ASGR2: variants seen among roughly 807,000 people sequenced by gnomAD.
ASGR2 encodes asialoglycoprotein receptor 2, also known as C-type lectin domain family 4 member H2.
In ASGR2, 34 loss-of-function variants were observed where a neutral mutation model predicts 32.3. That is an observed-to-expected ratio of 1.05 (90% CI 0.80 to 1.40). ASGR2 has a LOEUF of 1.40. Ranked by LOEUF, ASGR2 falls within the 40% of genes most tolerant of loss-of-function variation. The pLI is 0.00. For synonymous variants in ASGR2, 143 were observed against 150.0 expected (o/e 0.95, Z 0.34); for missense variants, 385 against 386.4 (o/e 1.00, Z 0.03).
chr17:7,114,940 CA>C (rs397840000), upstream of ASGR2: 24 of 676,772 alleles, frequency 3.5e-5, no homozygotes, highest in Non-Finnish European at 4.4e-5. The surrounding 1 kb of genome is among the most constrained non-coding windows in gnomAD (Gnocchi z 4.5). Context: ...CTCCACACGC[CA>C]CTCACCCCAC....
At chr17:7,103,290 C>T (rs1295493159) in intron 7 of ASGR2, among the ~76,000 whole-genome samples, 1 of 152,218 alleles carries the variant, frequency 6.6e-6, no homozygotes, top group African/African-American at 2.4e-5. Flanking sequence ...ATTCTGGAAT[C>T]CCACAAATAG....
chr17:7,104,988 A>AT (rs1913456191), intron 7 of ASGR2, among the ~76,000 whole-genome samples: 1 of 147,664 alleles, frequency 6.8e-6, no homozygotes. Flanking sequence ...AAAAAAAAAA[A>AT]ATTTTTTTTT....
In ASGR2 at chr17:7,101,435, C is replaced by G; in HGVS notation, c.*140G>C. The G allele has an allele frequency of 8.5e-7, 1 of 1,173,064 alleles. No homozygotes were observed. The highest frequency in any genetic ancestry group is 1.2e-6 in the Non-Finnish European group (1 of 859,834). 72.7% of individuals were successfully genotyped at this position (1,173,064 alleles called of 1,614,324 possible). On this transcript the variant is annotated 3_prime_UTR_variant, in exon 9 of 9. Coordinates refer to ENST00000691900, the MANE Select transcript of ASGR2 (RefSeq NM_001201352.2). The stretch of plus-strand genomic sequence containing the variant: ...TCTCAGTCCTCCAGGGTCAGGGACT[C>G]TTAAACTACCTCCTTTCTCTCTTTG...
At position 7,114,273 on chromosome 17, in the gene ASGR2, T is replaced by TG. The variant is rs1445667083; in HGVS notation, c.-34dup. The TG allele has an allele frequency of 6.6e-7, 1 of 1,526,616 alleles. No individual in the cohort carries two copies. Among genetic ancestry groups the TG allele is most frequent in the Non-Finnish European group, 8.9e-7 (1 of 1,125,890 alleles). 94.6% of individuals were successfully genotyped at this position (1,526,616 alleles called of 1,614,324 possible). Reference sequence around the variant, plus strand: ...CCCGGGCTGGAGCTGGAGCTGGAGCTGGGCTGGGCTGGGCTGAGGTTGCTC... The same window carrying TG: ...CCCGGGCTGGAGCTGGAGCTGGAGCTGGGGCTGGGCTGGGCTGAGGTTGCTC... On this transcript the variant is annotated 5_prime_UTR_variant, in exon 2 of 9. Coordinates refer to ENST00000691900, the MANE Select transcript of ASGR2 (RefSeq NM_001201352.2). This position sits in a 1 kb window ranked among gnomAD's most constrained non-coding sequence, Gnocchi z 4.5.
At chr17:7,101,956 A>G in intron 8 of ASGR2, 134 bp downstream of exon 8, 1 of 1,081,508 alleles carries the variant, frequency 9.2e-7, no homozygotes, top group Non-Finnish European at 1.4e-6. Context: ...ACAGCTTTGG[A>G]GGGGTTGGAG....
rs575558668 is a variant in ASGR2, at chr17:7,113,780, T to TAC, written c.124+335_124+336dup. Among the ~76,000 whole-genome samples the TAC allele has an allele frequency of 7.3e-6, 1 of 136,560 alleles. No homozygotes were observed. The highest frequency in any genetic ancestry group is 2.8e-5 in the African/African-American group (1 of 36,116). 89.6% of individuals were successfully genotyped at this position (136,560 alleles called of 152,430 possible). On this transcript the variant is annotated intron_variant, in intron 2 of 8. Transcript: ENST00000691900. This position sits in a 1 kb window ranked among gnomAD's most constrained non-coding sequence, Gnocchi z 5.1. ...ACATATGCACGCTCTCGCGCACATATACACACACACAACATTCACTCACAC... is the reference window on the plus strand; with the variant it reads ...ACATATGCACGCTCTCGCGCACATATACACACACACACAACATTCACTCACAC...
At chr17:7,105,106 T>C (rs894901038) in intron 7 of ASGR2, among the ~76,000 whole-genome samples, 20 of 152,238 alleles carry the variant, frequency 1.3e-4, no homozygotes, top group Middle Eastern at 3.4e-3. Context: ...ATACAAACTT[T>C]TAGTTTTCAA....
intron 7 of ASGR2, among the ~76,000 whole-genome samples, chr17:7,103,123 G>A (rs912096037): frequency 2.6e-5 from 4 of 152,190 alleles, no homozygotes; most frequent in East Asian, 1.9e-4. Context: ...GTTGAGCAAC[G>A]TGCACACTTA....
At position 7,107,598 on chromosome 17, in the gene ASGR2, ACAC is replaced by A; in HGVS notation, c.409+235_409+237del. The A allele has an allele frequency of 3.1e-6, 2 of 646,936 alleles. No individual in the cohort carries two copies. The highest frequency in any genetic ancestry group is 5.4e-6 in the Non-Finnish European group (2 of 367,144). The allele number at this position is 646,936 out of a possible 1,614,324, so 40.1% of individuals were successfully genotyped here. A position where few individuals can be genotyped will look rare whatever the true frequency, so the allele number is the denominator to read the frequency against. On this transcript the variant is annotated intron_variant, in intron 5 of 8. Coordinates refer to ENST00000691900, the MANE Select transcript of ASGR2 (RefSeq NM_001201352.2). This position sits in a 1 kb window ranked among gnomAD's most constrained non-coding sequence, Gnocchi z 5.0. The stretch of plus-strand genomic sequence containing the variant: ...GCACACACACAGACTCATCTCACAC[ACAC>A]CACCACACATGCATACACACACAAC...
Position 7,108,956 on chromosome 17 carries a change from C to G in ASGR2, c.125-68G>C. On this transcript the variant is annotated intron_variant, in intron 2 of 8. Transcript: ENST00000691900. The surrounding 1 kb of genome is among the most constrained non-coding windows in gnomAD (Gnocchi z 4.9). ...GAGCCGGAGGGTAAAGACAGGGCACCGAAGCCTGAGGAGGCATAACCTGGG... is the reference window on the plus strand; with the variant it reads ...GAGCCGGAGGGTAAAGACAGGGCACGGAAGCCTGAGGAGGCATAACCTGGG... 1 of 1,509,100 alleles carries G rather than the reference C, an allele frequency of 6.6e-7. No homozygotes were observed. Among genetic ancestry groups the G allele is most frequent in the South Asian group, 1.2e-5 (1 of 80,860 alleles). 93.5% of individuals were successfully genotyped at this position (1,509,100 alleles called of 1,614,324 possible). A position where few individuals can be genotyped will look rare whatever the true frequency, so the allele number is the denominator to read the frequency against.
rs934955069 is a variant in ASGR2, at chr17:7,108,791, G to C, written c.222C>G (p.Ile74Met). 6 of 1,613,968 alleles carry C rather than the reference G, an allele frequency of 3.7e-6. No individual in the cohort carries two copies. In the African/African-American group the frequency reaches 6.7e-5, roughly 18 times the overall value. The change falls in exon 3 of 9, where the codon ATC (isoleucine) becomes ATG (methionine). Residue 74 changes from isoleucine (I) to methionine (M), a missense_variant. Physicochemically the swap from Ile to Met is conservative, Grantham distance 10. Coordinates refer to ENST00000691900, the MANE Select transcript of ASGR2 (RefSeq NM_001201352.2). The surrounding 1 kb of genome is among the most constrained non-coding windows in gnomAD (Gnocchi z 4.9). ...CCTCACTTTGGGACCCAGTCACACA[G>C]ATGACCACCAGCAGCAGGATGTTGA... ...LSFNILLLVV[I>M]CVTGSQSAQL... is the part of the protein sequence containing the mutation.
rs1456429007 is a variant in ASGR2 at position 7,114,540 on chromosome 17, T to C, written c.-71+75A>G. On this transcript the variant is annotated intron_variant, in intron 1 of 8. Transcript: ENST00000691900. This position sits in a 1 kb window ranked among gnomAD's most constrained non-coding sequence, Gnocchi z 4.5. ...CGACCACCCACAGCTTCCCATGGGG[T>C]CCTCCCCATCCCTGAACCAAGGCCT... The C allele has an allele frequency of 1.7e-6, 2 of 1,187,278 alleles. No homozygotes were observed. Among genetic ancestry groups the C allele is most frequent in the Non-Finnish European group, 2.1e-6 (2 of 951,628 alleles). 73.5% of individuals were successfully genotyped at this position (1,187,278 alleles called of 1,614,324 possible).
At position 7,114,150 on chromosome 17, in the gene ASGR2, G is replaced by T. The variant is rs1381629815; in HGVS notation, c.91C>A (p.Leu31Met). ...AATGGATTTCCTCTCCTGGGATTCA[G>T]CCTGCGAGTGCCTGGCCCCTCACCT... is the stretch of plus-strand genomic sequence containing the variant. ...HQGEGPGTRR[L>M]NPRRGNPFLK... Residue 31 changes from leucine (L) to methionine (M), a missense_variant, in exon 2 of 9, where the codon CTG becomes ATG. Leu to Met is a conservative substitution (Grantham distance 15). Coordinates refer to ENST00000691900, the MANE Select transcript of ASGR2 (RefSeq NM_001201352.2). The surrounding 1 kb of genome is among the most constrained non-coding windows in gnomAD (Gnocchi z 4.5). 1 of 1,614,228 alleles carries T rather than the reference G, an allele frequency of 6.2e-7. No individual in the cohort carries two copies. The highest frequency in any genetic ancestry group is 1.7e-5 in the Admixed American group (1 of 60,024).
In ASGR2 at chr17:7,113,519, ACAC is replaced by A. The variant is rs1317773676; in HGVS notation, c.124+595_124+597del. Among the ~76,000 whole-genome samples the A allele has an allele frequency of 6.8e-5, 9 of 133,036 alleles. No individual in the cohort carries two copies. Among genetic ancestry groups the A allele is most frequent in the African/African-American group, 1.6e-4 (6 of 38,520 alleles). 87.3% of individuals were successfully genotyped at this position (133,036 alleles called of 152,430 possible). A position where few individuals can be genotyped will look rare whatever the true frequency, so the allele number is the denominator to read the frequency against. On this transcript the variant is annotated intron_variant, in intron 2 of 8. Coordinates refer to ENST00000691900, the MANE Select transcript of ASGR2 (RefSeq NM_001201352.2). The surrounding 1 kb of genome is among the most constrained non-coding windows in gnomAD (Gnocchi z 5.1). ...CACACAACATACACAACGTACACAC[ACAC>A]AACATACACACACTCATACACAACA...
intron 7 of ASGR2, among the ~76,000 whole-genome samples, chr17:7,103,473 G>A (rs1408114976): frequency 9.2e-5 from 14 of 152,170 alleles, no homozygotes; most frequent in Non-Finnish European, 8.8e-5. Context: ...CAACTGAGCA[G>A]ACTACAAATT....
chr17:7,101,832 G>A, intron 8 of ASGR2, 92 bp from the exon 9 acceptor site: 1 of 1,491,098 alleles, frequency 6.7e-7, no homozygotes, highest in Non-Finnish European at 9.1e-7. Context: ...TTCCTTGAAG[G>A]CCGAGAGTGG....
rs902053469 is a variant in ASGR2 at position 7,108,626 on chromosome 17, GC to G, written c.242-70del. On this transcript the variant is annotated intron_variant, in intron 3 of 8. Transcript: ENST00000691900. This position sits in a 1 kb window ranked among gnomAD's most constrained non-coding sequence, Gnocchi z 4.9. ...GTCCCCATCACTGTCCATGTGACTG[GC>G]CCCTCAATGTCCCCGCATTTGCCCC... The G allele has an allele frequency of 2.8e-5, 45 of 1,599,418 alleles. No individual in the cohort carries two copies. The Admixed American group carries it at 4.4e-4, about 16-fold the overall frequency.
intron 2 of ASGR2, among the ~76,000 whole-genome samples, chr17:7,109,537 C>T (rs1812542252): frequency 6.6e-6 from 1 of 152,092 alleles, no homozygotes; most frequent in Admixed American, 6.6e-5. Context: ...GCCTCCTCCC[C>T]AGCGCCCTTT....
At chr17:7,103,205 ACT>A (rs1054095573) in intron 7 of ASGR2, among the ~76,000 whole-genome samples, 14 of 151,962 alleles carry the variant, frequency 9.2e-5, no homozygotes, top group Non-Finnish European at 1.3e-4. Context: ...TTCTACTCTC[ACT>A]CTCTAGAAAA....
Sources: gnomAD v4.1 joint callset for allele counts (sites outside exome capture counted in the v4.1 genomes callset) on GRCh38, gnomAD v4.1.1 for gene constraint, Gnocchi (gnomAD v3.1) non-coding constraint, MANE v1.5 for transcripts, NCBI Gene and HGNC (gene_info 2026-07-23, HGNC 2026-07-21) for gene names.